HCN2: variants seen among roughly 807,000 people sequenced by gnomAD.
The protein encoded by HCN2 is hyperpolarization activated cyclic nucleotide gated potassium and sodium channel 2, also known as potassium/sodium hyperpolarization-activated cyclic nucleotide-gated channel 2.
HCN2 carries 20 observed loss-of-function variants against 52.3 expected under a neutral mutation model. The ratio of observed to expected loss-of-function variants is 0.38; its 90% CI spans 0.27 to 0.56. The LOEUF is 0.56. HCN2 is among the 20% of genes least tolerant of loss of function. The pLI is 0.71. For synonymous variants in HCN2, 694 were observed against 537.0 expected (o/e 1.29, Z -4.04); for missense variants, 981 against 1,207.7 (o/e 0.81, Z 2.78).
At chr19:598,486 T>C (rs1057177315) in intron 1 of HCN2, among the ~76,000 whole-genome samples, 21 of 152,068 alleles carry the variant, frequency 1.4e-4, no homozygotes, top group African/African-American at 4.8e-4. Flanking sequence ...TTGTATTTTT[T>C]GTAGAGACGG....
At chr19:614,265 A>G (rs1440667789) in intron 7 of HCN2, among the ~76,000 whole-genome samples, 3 of 152,154 alleles carry the variant, frequency 2.0e-5, no homozygotes, top group South Asian at 2.1e-4. Context: ...TTTCTGACCT[A>G]TTGTCCTACT....
intron 1 of HCN2, among the ~76,000 whole-genome samples, chr19:597,938 C>T (rs984976239): frequency 2.0e-5 from 3 of 152,112 alleles, no homozygotes; most frequent in East Asian, 1.9e-4. Flanking sequence ...CCTCGCCCCT[C>T]GTGGGGGAGG....
At chr19:601,262 G>A (rs1477898132) in intron 1 of HCN2, among the ~76,000 whole-genome samples, 1 of 152,288 alleles carries the variant, frequency 6.6e-6, no homozygotes, top group African/African-American at 2.4e-5. Flanking sequence ...GCAGTGAGCC[G>A]AGATGGTGCC....
Position 613,928 on chromosome 19 carries a change from C to G in HCN2, c.1902C>G (p.Ser634Arg). ...CCTACTGCCGCCTCTATTCGCTGAG[C>G]GTGGACAACTTCAACGAGGTGCTGG... Reference protein sequence around the residue: ...ADTYCRLYSLSVDNFNEVLEE... With the variant: ...ADTYCRLYSLRVDNFNEVLEE... The change falls in exon 7 of 8, where the codon AGC becomes AGG. Residue 634 changes from serine to arginine, a missense_variant. Transcript: ENST00000251287. The G allele has an allele frequency of 6.2e-7, 1 of 1,603,972 alleles. No homozygotes were observed. The highest frequency in any genetic ancestry group is 8.5e-7 in the Non-Finnish European group (1 of 1,175,242).
intron 1 of HCN2, among the ~76,000 whole-genome samples, chr19:597,779 T>C (rs1361195401): frequency 1.3e-5 from 2 of 149,308 alleles, no homozygotes; most frequent in Non-Finnish European, 3.0e-5. Context: ...TCCCCCTTGG[T>C]GGTTTCTAGG....
At chr19:596,340 C>T (rs540603848) in intron 1 of HCN2, among the ~76,000 whole-genome samples, 2 of 152,298 alleles carry the variant, frequency 1.3e-5, no homozygotes, top group South Asian at 4.1e-4. Context: ...TGCCGGGGGC[C>T]CCACTGAAGC....
chr19:611,422 C>T (rs1983632593), intron 5 of HCN2, among the ~76,000 whole-genome samples: 1 of 152,114 alleles, frequency 6.6e-6, no homozygotes, highest in South Asian at 2.1e-4. Flanking sequence ...CCCGGTGTAG[C>T]ACCTGGCTCG....
intron 6 of HCN2, 124 bp from the exon 7 acceptor site, chr19:613,728 C>T: frequency 3.7e-6 from 4 of 1,072,974 alleles, no homozygotes; most frequent in Non-Finnish European, 4.9e-6. Context: ...GGGCCGGCAC[C>T]AGGGAGAGCC....
rs1403120254 is a variant in HCN2, at chr19:589,951, C to T, written c.6C>T (p.Asp2=). 1.1e-6 allele frequency: 1 copy of T among 932,416 alleles called. No homozygotes were observed. The highest frequency in any genetic ancestry group is 6.9e-5 in the Admixed American group (1 of 14,412). 57.8% of individuals were successfully genotyped at this position (932,416 alleles called of 1,614,324 possible). A position where few individuals can be genotyped will look rare whatever the true frequency, so the allele number is the denominator to read the frequency against. M[D]ARGGGGRPGE... is the part of the protein sequence containing the mutation. ...CTGCCCGGCGCCGCCTCGCCATGGACGCGCGCGGGGGCGGCGGGCGGCCCG... is the reference window on the plus strand; with the variant it reads ...CTGCCCGGCGCCGCCTCGCCATGGATGCGCGCGGGGGCGGCGGGCGGCCCG... Residue 2 remains aspartate, a synonymous_variant, in exon 1 of 8, where the codon GAC becomes GAT. Transcript: ENST00000251287.
intron 1 of HCN2, among the ~76,000 whole-genome samples, chr19:602,978 G>A (rs1983259242): frequency 1.0e-5 from 1 of 97,094 alleles, no homozygotes; most frequent in Non-Finnish European, 2.4e-5. Context: ...TGAGCTGTGG[G>A]CACCCTCGTC....
chr19:599,549 G>T (rs570765285), intron 1 of HCN2, among the ~76,000 whole-genome samples: 2 of 152,150 alleles, frequency 1.3e-5, no homozygotes, highest in South Asian at 4.2e-4. Flanking sequence ...GGAGGCCAAG[G>T]CGGGCGGATC....
chr19:608,116 G>A lies in HCN2; in HGVS notation c.1371G>A (p.Met457Ile). The change falls in exon 4 of 8, where the codon ATG becomes ATA. Residue 457 changes from methionine (M) to isoleucine (I), a missense_variant. Around this residue, in one of 6 missense-constraint regions of HCN2, gnomAD observed 282 missense variants for 553.8 expected, o/e 0.51. Coordinates refer to ENST00000251287, the MANE Select transcript of HCN2 (RefSeq NM_001194.4). The part of the protein sequence containing the change: ...SMIVGATCYA[M>I]FIGHATALIQ... ...TTGTGGGTGCCACCTGCTACGCCAT[G>A]TTCATCGGCCACGCCACTGCCCTCA... 1 of 1,613,358 alleles carries A rather than the reference G, an allele frequency of 6.2e-7. No homozygotes were observed. Among genetic ancestry groups the A allele is most frequent in the Non-Finnish European group, 8.5e-7 (1 of 1,180,024 alleles).
intron 2 of HCN2, 121 bp from the exon 3 acceptor site, chr19:604,940 G>A (rs556003051): frequency 4.6e-6 from 5 of 1,084,432 alleles, no homozygotes; most frequent in Admixed American, 4.7e-5. Context: ...GGTCCTGTGC[G>A]GGGCCTTGGA....
chr19:616,298 C>T lies in HCN2; in HGVS notation c.2494C>T (p.Pro832Ser), dbSNP rs1418552065. ...GCAGCCCTCGCTGCCTCACGGCGCC[C>T]CCGGCCCCGCGGCCTCCACACGCCC... ...ASQPSLPHGAPGPAASTRPAS... is the reference protein window; with the variant it reads ...ASQPSLPHGASGPAASTRPAS... The change falls in exon 8 of 8, where the codon CCC becomes TCC. Residue 832 changes from proline to serine, a missense_variant. Pro to Ser is a moderately conservative substitution (Grantham distance 74). Transcript: ENST00000251287. The T allele has an allele frequency of 5.5e-6, 6 of 1,095,122 alleles. No homozygotes were observed. Among genetic ancestry groups the T allele is most frequent in the African/African-American group, 5.1e-5 (3 of 58,842 alleles). The allele number at this position is 1,095,122 out of a possible 1,614,324, so 67.8% of individuals were successfully genotyped here.
At position 616,417 on chromosome 19, in the gene HCN2, C is replaced by A. The variant is rs903588933; in HGVS notation, c.2613C>A (p.Ala871=). The A allele has an allele frequency of 3.2e-5, 40 of 1,239,842 alleles. No individual in the cohort carries two copies. Among genetic ancestry groups the A allele is most frequent in the Non-Finnish European group, 4.0e-5 (40 of 989,340 alleles). 76.8% of individuals were successfully genotyped at this position (1,239,842 alleles called of 1,614,324 possible). The change falls in exon 8 of 8, where the codon GCC becomes GCA. Residue 871 remains alanine (A), a synonymous_variant. Transcript: ENST00000251287. ...GCAGGGACTCGGCCTCACCCGGCGC[C>A]GCCGGCGGCCTGGACCCCCAGGACT... ...PDRRDSASPG[A]AGGLDPQDSA...
chr19:615,645 A>G (rs530057953), intron 7 of HCN2, 150 bp from the exon 8 acceptor site: 3 of 693,576 alleles, frequency 4.3e-6, no homozygotes, highest in East Asian at 5.7e-5. Flanking sequence ...GATGCTACAT[A>G]TGTGCTTATT....
In HCN2 at chr19:592,258, A is replaced by T. The variant is rs1373614896; in HGVS notation, c.632+1681A>T. Among the ~76,000 whole-genome samples the T allele has an allele frequency of 6.6e-6, 1 of 152,068 alleles. No individual in the cohort carries two copies. Among genetic ancestry groups the T allele is most frequent in the Non-Finnish European group, 1.5e-5 (1 of 67,978 alleles). ...CCCTCCAGCATGACCTTCGACAGAG[A>T]TGGGTGCACCGCAGCGTGGGGGCTG... On this transcript the variant is annotated intron_variant, in intron 1 of 7. Coordinates refer to ENST00000251287, the MANE Select transcript of HCN2 (RefSeq NM_001194.4). The surrounding 1 kb of genome is among the most constrained non-coding windows in gnomAD (Gnocchi z 4.8).
rs1468699436 is a variant in HCN2, at chr19:613,906, A to G, written c.1880A>G (p.Tyr627Cys). ...ACGGCGAGCGTGCGGGCTGACACCT[A>G]CTGCCGCCTCTATTCGCTGAGCGTG... The part of the protein sequence containing the change: ...RRTASVRADT[Y>C]CRLYSLSVDN... The change falls in exon 7 of 8, where the codon TAC becomes TGC. Residue 627 changes from tyrosine to cysteine, a missense_variant. Tyr to Cys is a radical substitution (Grantham distance 194). Transcript: ENST00000251287. 1.2e-6 allele frequency: 2 copies of G among 1,602,438 alleles called. No homozygotes were observed. Among genetic ancestry groups the G allele is most frequent in the Non-Finnish European group, 1.7e-6 (2 of 1,174,480 alleles).
Position 614,703 on chromosome 19 carries a change from C to T in HCN2, c.1990+687C>T, listed in dbSNP as rs557587830. The stretch of plus-strand genomic sequence containing the variant: ...GCGGCAGGGAGAGTTTAGACTAAAT[C>T]AGGAGCATCAGGGAGCCATGGAGGG... On this transcript the variant is annotated intron_variant, in intron 7 of 7. Coordinates refer to ENST00000251287, the MANE Select transcript of HCN2 (RefSeq NM_001194.4). Among the ~76,000 whole-genome samples, 34 of 152,042 alleles carry T rather than the reference C, an allele frequency of 2.2e-4. 1 individual carries two copies. The East Asian group carries it at 5.0e-3, about 23-fold the overall frequency.
Sources: allele counts gnomAD v4.1 joint callset (sites outside exome capture counted in the v4.1 genomes callset), GRCh38; gene constraint gnomAD v4.1.1; regional missense constraint gnomAD v4.1.1; non-coding constraint Gnocchi (gnomAD v3.1); transcripts MANE v1.5; gene names NCBI Gene and HGNC (gene_info 2026-07-23, HGNC 2026-07-21).